Variants in PRR5L observed in about 807,000 individuals in gnomAD.
PRR5L encodes proline-rich protein 5-like.
Under a neutral mutation model 36.4 loss-of-function variants are expected in PRR5L, and 21 were observed. That is an observed-to-expected ratio of 0.58 (90% CI 0.41 to 0.83). The LOEUF is 0.83. PRR5L is among the 40% of genes least tolerant of loss of function. The pLI is 0.00. For synonymous variants in PRR5L, 188 were observed against 197.0 expected, an observed-to-expected ratio of 0.95 and a Z score of 0.38; for missense variants, 381 against 473.3, an observed-to-expected ratio of 0.80 and a Z score of 1.81.
At chr11:36,336,693 G>C (rs925487224) in intron 1 of PRR5L, among the ~76,000 whole-genome samples, 1 of 151,986 alleles carries the variant, frequency 6.6e-6, no homozygotes, top group South Asian at 2.1e-4. Flanking sequence ...CAATAGAAAA[G>C]CATGTATTTT....
intron 3 of PRR5L, among the ~76,000 whole-genome samples, chr11:36,412,409 T>TATG (rs997982604): frequency 1.3e-4 from 20 of 152,264 alleles, no homozygotes; most frequent in African/African-American, 4.8e-4. Context: ...TATTATTCGT[T>TATG]ATGATGATGA....
intron 3 of PRR5L, among the ~76,000 whole-genome samples, chr11:36,414,055 AT>A (rs1318168597): frequency 6.8e-6 from 1 of 148,054 alleles, no homozygotes; most frequent in Non-Finnish European, 1.5e-5. Flanking sequence ...TCATTTTTTT[AT>A]GGCTGCATAG....
intron 3 of PRR5L, among the ~76,000 whole-genome samples, chr11:36,413,634 A>T (rs137981349): frequency 3.3e-5 from 5 of 152,182 alleles, no homozygotes; most frequent in African/African-American, 4.8e-5. Context: ...TTCTTTATGC[A>T]TGTATAAGGA....
At chr11:36,305,638 G>T (rs1361721669) in intron 1 of PRR5L, among the ~76,000 whole-genome samples, 1 of 152,128 alleles carries the variant, frequency 6.6e-6, no homozygotes, top group African/African-American at 2.4e-5. Context: ...TAAGGGTGGG[G>T]CCCTCCTGAA....
chr11:36,311,515 A>G (rs1856502513), intron 1 of PRR5L, among the ~76,000 whole-genome samples: 1 of 152,218 alleles, frequency 6.6e-6, no homozygotes, highest in African/African-American at 2.4e-5. Flanking sequence ...TGAAGTTATA[A>G]TAAAAAAATT....
At position 36,462,395 on chromosome 11, in the gene PRR5L, C is replaced by A; in HGVS notation, c.766C>A (p.Pro256Thr). ...PKVTVLNYAS[P>T]ITAVSRPLNE... ...GGTGACTGTCCTGAACTATGCCTCC[C>A]CGATAACCGCAGTCAGCCGGCCACT... The change falls in exon 9 of 9, where the codon CCG (proline) becomes ACG (threonine). Residue 256 changes from proline (P) to threonine (T), a missense_variant. Pro to Thr is a conservative substitution (Grantham distance 38, BLOSUM62 -1). Coordinates refer to ENST00000530639, the MANE Select transcript of PRR5L (RefSeq NM_001160167.2). 6.4e-7 allele frequency: 1 copy of A among 1,558,752 alleles called. No individual in the cohort carries two copies. The highest frequency in any genetic ancestry group is 8.7e-7 in the Non-Finnish European group (1 of 1,149,776).
chr11:36,402,736 AGTAAGCCCTGATATG>A (rs1231850113), intron 2 of PRR5L, among the ~76,000 whole-genome samples: 7 of 152,214 alleles, frequency 4.6e-5, no homozygotes, highest in African/African-American at 1.7e-4. Flanking sequence ...GAGGCTGTGG[AGTAAGCCCTGATATG>A]GCCTCTCAAG....
At chr11:36,326,302 TACAC>T (rs3083243) in intron 1 of PRR5L, among the ~76,000 whole-genome samples, 2,708 of 147,450 alleles carry the variant, frequency 0.018, 65 homozygotes, top group African/African-American at 0.059. Context: ...CCCCAATAGA[TACAC>T]ACACACACAC....
At chr11:36,462,133 G>C (rs978669675) in intron 8 of PRR5L, among the ~76,000 whole-genome samples, 8 of 152,302 alleles carry the variant, frequency 5.3e-5, no homozygotes, top group South Asian at 2.1e-4. Context: ...GGTAGGGTTG[G>C]TTACAGGCAG....
chr11:36,384,637 T>C (rs1160922936), intron 1 of PRR5L, among the ~76,000 whole-genome samples: 1 of 146,664 alleles, frequency 6.8e-6, no homozygotes, highest in Non-Finnish European at 1.5e-5. Flanking sequence ...TTCATCTCTT[T>C]TTCTCCTCTT....
At chr11:36,408,231 G>T (rs1474111381) in intron 3 of PRR5L, among the ~76,000 whole-genome samples, 2 of 151,554 alleles carry the variant, frequency 1.3e-5, no homozygotes, top group African/African-American at 2.4e-5. Context: ...AGTGAGCCAA[G>T]ATCGTGCCAC....
In PRR5L at chr11:36,303,616, C is replaced by CA. The variant is rs569110374; in HGVS notation, c.-126+7181dup. Among the ~76,000 whole-genome samples the CA allele has an allele frequency of 3.3e-3, 495 of 152,280 alleles. 3 individuals are homozygous for CA. Among genetic ancestry groups the CA allele is most frequent in the African/African-American group, 0.011 (462 of 41,542 alleles). On this transcript the variant is annotated intron_variant, in intron 1 of 8. Coordinates refer to ENST00000530639, the MANE Select transcript of PRR5L (RefSeq NM_001160167.2). ...CCTGACTTGACTGGAAAAACAGAGTCAAACCACAGCTCCTGGTCCCTTCCC... is the reference window on the plus strand; with the variant it reads ...CCTGACTTGACTGGAAAAACAGAGTCAAAACCACAGCTCCTGGTCCCTTCCC...
intron 1 of PRR5L, among the ~76,000 whole-genome samples, chr11:36,397,786 T>G (rs1857696901): frequency 6.6e-6 from 1 of 151,496 alleles, no homozygotes. Flanking sequence ...TCTTTTTCTT[T>G]CTTTTCTTTC....
chr11:36,373,223 A>G (rs1176945248), intron 1 of PRR5L, among the ~76,000 whole-genome samples: 1 of 152,158 alleles, frequency 6.6e-6, no homozygotes, highest in Non-Finnish European at 1.5e-5. Context: ...TATATATCTA[A>G]TAAAGACCTA....
At chr11:36,357,422 T>C (rs192923785) in intron 1 of PRR5L, among the ~76,000 whole-genome samples, 3 of 152,334 alleles carry the variant, frequency 2.0e-5, no homozygotes, top group East Asian at 3.9e-4. Context: ...ACAGCTTTCA[T>C]TGGAAGAAGG....
In PRR5L at chr11:36,463,937, C is replaced by T. The variant is rs1397394520; in HGVS notation, c.*1201C>T. The T allele has an allele frequency of 6.6e-6, 1 of 152,178 alleles. No homozygotes were observed. Among genetic ancestry groups the T allele is most frequent in the African/African-American group, 2.4e-5 (1 of 41,430 alleles). The allele number at this position is 152,178 out of a possible 1,614,324, so 9.4% of individuals were successfully genotyped here. ...CATAGGCAGAGGATTCTCCAGGAAG[C>T]ATGGAAAATGGAATGTTTCCATGCT... On this transcript the variant is annotated 3_prime_UTR_variant, in exon 9 of 9. Coordinates refer to ENST00000530639, the MANE Select transcript of PRR5L (RefSeq NM_001160167.2).
In PRR5L at chr11:36,351,603, A is replaced by T. The variant is rs1284531110; in HGVS notation, c.-125-49394A>T. On this transcript the variant is annotated intron_variant, in intron 1 of 8. Transcript: ENST00000530639. ...AATATATATTTATATATTTATATAA[A>T]TATATATTTATATATTTATATATTT... is the stretch of plus-strand genomic sequence containing the variant. Among the ~76,000 whole-genome samples the T allele has an allele frequency of 4.7e-3, 7 of 1,482 alleles. 1 individual carries two copies. Among genetic ancestry groups the T allele is most frequent in the African/African-American group, 0.017 (6 of 362 alleles). 1.0% of individuals were successfully genotyped at this position (1,482 alleles called of 152,430 possible).
intron 1 of PRR5L, chr11:36,321,389 T>C (rs1856612438): frequency 6.6e-6 from 1 of 152,216 alleles, no homozygotes; most frequent in Non-Finnish European, 1.5e-5. Flanking sequence ...TCAGTAGCTT[T>C]TTCAGAAAAG....
chr11:36,446,795 A>G (rs1243968638), intron 7 of PRR5L, among the ~76,000 whole-genome samples: 1 of 152,206 alleles, frequency 6.6e-6, no homozygotes, highest in African/African-American at 2.4e-5. Context: ...TAAGCAGATG[A>G]GGAACTCCCT....
Sources: allele counts gnomAD v4.1 joint callset (sites outside exome capture counted in the v4.1 genomes callset), GRCh38; gene constraint gnomAD v4.1.1; transcripts MANE v1.5; gene names NCBI Gene and HGNC (gene_info 2026-07-23, HGNC 2026-07-21).